Variants in LOXHD1 observed in about 807,000 individuals in gnomAD.
LOXHD1 encodes lipoxygenase homology domain-containing protein 1.
LOXHD1 carries 205 observed loss-of-function variants against 248.2 expected under a neutral mutation model. The observed-to-expected ratio is 0.83, with a 90% CI of 0.74 to 0.93. The LOEUF (loss-of-function observed/expected upper bound fraction) is 0.93. Ranked by LOEUF, LOXHD1 falls within the 40% of genes least tolerant of loss-of-function variation. LOXHD1 has a pLI of 0.00. For missense variants in LOXHD1, 2,930 were observed against 2,971.6 expected, an observed-to-expected ratio of 0.99 and a Z score of 0.33; for synonymous variants, 1,113 against 1,162.8, an observed-to-expected ratio of 0.96 and a Z score of 0.87.
intron 20 of LOXHD1, chr18:46,558,170 AT>A: frequency 1.9e-6 from 1 of 535,166 alleles, no homozygotes; most frequent in Non-Finnish European, 2.4e-6. Flanking sequence ...ATATGCCTTC[AT>A]TTAGATTCTG....
chr18:46,557,293 T>A, intron 21 of LOXHD1, 63 bp downstream of exon 21: 1 of 1,387,756 alleles, frequency 7.2e-7, no homozygotes, highest in Non-Finnish European at 9.7e-7. Flanking sequence ...CAGGACTACC[T>A]CTGTGGCAGA....
Position 46,524,466 on chromosome 18 carries a change from T to G in LOXHD1, c.4876A>C (p.Ile1626Leu), listed in dbSNP as rs1234158346. 6.5e-7 allele frequency: 1 copy of G among 1,549,288 alleles called. No homozygotes were observed. The highest frequency in any genetic ancestry group is 2.0e-5 in the Admixed American group (1 of 50,964). ...CCAAAGAGCTCCCTGGTTGGCTTACTTGGGCCCTCTTGAACGTAGTCAGCC... is the reference window on the plus strand; with the variant it reads ...CCAAAGAGCTCCCTGGTTGGCTTACGTGGGCCCTCTTGAACGTAGTCAGCC... ...PMADYVQEGP[I>L]IPYYVSVTTG... The change falls in exon 31 of 41, where the codon ATT (isoleucine) becomes CTT (leucine). Residue 1626 changes from isoleucine to leucine, a missense_variant and splice_region_variant. By Grantham distance (5) the Ile-to-Leu change is conservative. Coordinates refer to ENST00000642948, the MANE Select transcript of LOXHD1 (RefSeq NM_001384474.1).
At chr18:46,492,240 A>G (rs2033537994) in intron 37 of LOXHD1, among the ~76,000 whole-genome samples, 1 of 152,236 alleles carries the variant, frequency 6.6e-6, no homozygotes, top group African/African-American at 2.4e-5. Context: ...CACTAGCTGC[A>G]TGGTGGATAT....
At position 46,594,393 on chromosome 18, in the gene LOXHD1, G is replaced by T. The variant is rs371062140; in HGVS notation, c.1208C>A (p.Ala403Glu). 1.3e-6 allele frequency: 2 copies of T among 1,551,538 alleles called. No individual in the cohort carries two copies. The highest frequency in any genetic ancestry group is 1.7e-6 in the Non-Finnish European group (2 of 1,146,976). The change falls in exon 9 of 41, where the codon GCG becomes GAG. Residue 403 changes from alanine (A) to glutamate (E), a missense_variant. By Grantham distance (107) the Ala-to-Glu change is moderately radical. Transcript: ENST00000642948. ...PCSNWLDEKK[A>E]DGLIERQLYE... is the part of the protein sequence containing the mutation. Reference sequence around the variant, plus strand: ...GAGCTGCCTCTCAATCAACCCATCCGCTTTCTTCTCATCCAGCCAGTTGCT... The same window carrying T: ...GAGCTGCCTCTCAATCAACCCATCCTCTTTCTTCTCATCCAGCCAGTTGCT...
chr18:46,546,812 G>A, intron 22 of LOXHD1, 83 bp downstream of exon 22: 4 of 1,439,552 alleles, frequency 2.8e-6, no homozygotes, highest in African/African-American at 1.4e-5. Flanking sequence ...CCACAGGGGA[G>A]GGAAGGAAGA....
intron 37 of LOXHD1, among the ~76,000 whole-genome samples, chr18:46,491,913 T>C (rs945759595): frequency 6.6e-6 from 1 of 152,212 alleles, no homozygotes; most frequent in Non-Finnish European, 1.5e-5. Context: ...TGTGGCCCCC[T>C]TTCCCCCGTC....
chr18:46,507,729 C>A lies in LOXHD1; in HGVS notation c.5518-17G>T. ...CAGTAGGATCTGGGGGAGAGGGAGC[C>A]ACCGTGGGAATGCCCTGTCCTCCCT... is the stretch of plus-strand genomic sequence containing the variant. On this transcript the variant is annotated splice_polypyrimidine_tract_variant and intron_variant, in intron 35 of 40. Transcript: ENST00000642948. 1 of 1,544,710 alleles carries A rather than the reference C, an allele frequency of 6.5e-7. No individual in the cohort carries two copies. Among genetic ancestry groups the A allele is most frequent in the Non-Finnish European group, 8.8e-7 (1 of 1,141,990 alleles).
intron 24 of LOXHD1, 139 bp downstream of exon 24, chr18:46,542,588 G>A (rs2036610306): frequency 9.4e-7 from 1 of 1,062,010 alleles, no homozygotes; most frequent in African/African-American, 1.6e-5. Context: ...GGCTCTACTG[G>A]GCTAAAGGGA....
In LOXHD1 at chr18:46,594,469, G is replaced by A; in HGVS notation, c.1135-3C>T. On this transcript the variant is annotated splice_region_variant and splice_polypyrimidine_tract_variant and intron_variant, in intron 8 of 40. Transcript: ENST00000642948. ...GTGAAGGGGCACAGAATCACCACCT[G>A]GGGAGAGTGGAGCACAGTGTCTCCG... The A allele has an allele frequency of 1.3e-6, 2 of 1,551,132 alleles. No individual in the cohort carries two copies. Among genetic ancestry groups the A allele is most frequent in the Non-Finnish European group, 1.7e-6 (2 of 1,146,950 alleles).
At chr18:46,656,551 G>C (rs536749535) in intron 1 of LOXHD1, among the ~76,000 whole-genome samples, 4 of 152,206 alleles carry the variant, frequency 2.6e-5, no homozygotes, top group Admixed American at 2.0e-4. Flanking sequence ...AGTTCAGGGC[G>C]CTCTGCCTGA....
At chr18:46,526,953 T>C (rs547395882) in intron 29 of LOXHD1, among the ~76,000 whole-genome samples, 1 of 152,240 alleles carries the variant, frequency 6.6e-6, no homozygotes, top group African/African-American at 2.4e-5. Flanking sequence ...TCTGGAGTGA[T>C]CAGAGAAATG....
chr18:46,606,144 CTAAGT>C (rs971089042), intron 6 of LOXHD1, among the ~76,000 whole-genome samples: 5 of 152,144 alleles, frequency 3.3e-5, no homozygotes, highest in African/African-American at 4.8e-5. Flanking sequence ...TTAAAAATAA[CTAAGT>C]TAAGTAAGAA....
intron 26 of LOXHD1, among the ~76,000 whole-genome samples, chr18:46,535,584 G>T (rs949491611): frequency 1.3e-5 from 1 of 79,356 alleles, no homozygotes. Flanking sequence ...CTCTGTTTTT[G>T]TTGTTGTTGT....
chr18:46,562,905 C>A (rs116446310), intron 18 of LOXHD1, among the ~76,000 whole-genome samples, 160 bp downstream of exon 18: 1 of 152,032 alleles, frequency 6.6e-6, no homozygotes, highest in Admixed American at 6.6e-5. Context: ...CATTTTAGGC[C>A]GAAAGCTCAG....
chr18:46,483,708 A>G lies in LOXHD1; in HGVS notation c.6220T>C (p.Leu2074=), dbSNP rs185604776. The G allele has an allele frequency of 1.3e-4, 200 of 1,551,736 alleles. No individual in the cohort carries two copies. Among genetic ancestry groups the G allele is most frequent in the Admixed American group, 6.1e-4 (31 of 50,990 alleles). Residue 2074 remains leucine (L), a synonymous_variant, in exon 40 of 41, where the codon TTG becomes CTG. Coordinates refer to ENST00000642948, the MANE Select transcript of LOXHD1 (RefSeq NM_001384474.1). ...ACACAGAGGGAGGCAATGTCCCCCAAGTAGATGCTGTCAAACTCAAACGTG... is the reference window on the plus strand; with the variant it reads ...ACACAGAGGGAGGCAATGTCCCCCAGGTAGATGCTGTCAAACTCAAACGTG... ...TDTFEFDSIY[L]GDIASLCVGH... is the part of the protein sequence containing the mutation.
chr18:46,529,841 A>G (rs2144227910), intron 28 of LOXHD1, among the ~76,000 whole-genome samples: 1 of 151,898 alleles, frequency 6.6e-6, no homozygotes, highest in East Asian at 1.9e-4. Flanking sequence ...TCTCCAACCC[A>G]CTGCCACCCT....
intron 26 of LOXHD1, 106 bp downstream of exon 26, chr18:46,538,050 G>A (rs2036391205): frequency 9.9e-7 from 1 of 1,008,966 alleles, no homozygotes; most frequent in Non-Finnish European, 1.4e-6. Context: ...CTCTCTAATA[G>A]CAGTGCATCA....
intron 24 of LOXHD1, 120 bp downstream of exon 24, chr18:46,542,590 CTAAAGGGATTAAGGAAG>C: frequency 9.1e-7 from 1 of 1,094,212 alleles, no homozygotes; most frequent in Non-Finnish European, 1.3e-6. Context: ...CTCTACTGGG[CTAAAGGGATTAAGGAAG>C]CTGTGTCATT....
intron 3 of LOXHD1, 73 bp downstream of exon 3, chr18:46,641,883 A>T: frequency 5.6e-6 from 8 of 1,419,278 alleles, no homozygotes; most frequent in Non-Finnish European, 7.8e-6. Context: ...TCATACCCAG[A>T]AATTGTCAAT....
Sources: allele counts gnomAD v4.1 joint callset (sites outside exome capture counted in the v4.1 genomes callset), GRCh38; gene constraint gnomAD v4.1.1; transcripts MANE v1.5; gene names NCBI Gene and HGNC (gene_info 2026-07-23, HGNC 2026-07-21).